RSRP1: variants seen among roughly 807,000 people sequenced by gnomAD.
The protein encoded by RSRP1 is arginine and serine rich protein 1.
In RSRP1, 37 loss-of-function variants were observed where a neutral mutation model predicts 33.0. That is an observed-to-expected ratio of 1.12 (90% CI 0.86 to 1.48). The LOEUF (loss-of-function observed/expected upper bound fraction) is 1.48. Ranked by LOEUF, RSRP1 falls within the 40% of genes most tolerant of loss-of-function variation. RSRP1 has a pLI of 0.00. For synonymous variants in RSRP1, 167 were observed against 158.7 expected (o/e 1.05, Z -0.40); for missense variants, 402 against 385.3 (o/e 1.04, Z -0.36).
Position 25,256,320 on chromosome 1 carries a change from A to T in RSRP1, c.-66-9291T>A, listed in dbSNP as rs75102157. Among the ~76,000 whole-genome samples the T allele has an allele frequency of 1.5e-3, 232 of 152,072 alleles. 1 individual carries two copies. The highest frequency in any genetic ancestry group is 5.4e-3 in the African/African-American group (225 of 41,482). On this transcript the variant is annotated intron_variant, in intron 1 of 1. Coordinates refer to the RSRP1 transcript ENST00000561867. ...CAGGCATGCGCCACTACACCTGACTAATTTTTAAAAAGAGTGTTTGGTAAA... is the reference window on the plus strand; with the variant it reads ...CAGGCATGCGCCACTACACCTGACTTATTTTTAAAAAGAGTGTTTGGTAAA...
rs41307826 is a variant in RSRP1, at chr1:25,306,704, G to C, written c.-67+31274C>G. ...CATCTACATTGTGCTGCTGGTGCTT[G>C]ATACCGTCGGAGCCGGCAATGGCAT... On this transcript the variant is annotated intron_variant, in intron 1 of 1. Transcript: ENST00000561867. The C allele has an allele frequency of 9.0e-4, 1,243 of 1,378,210 alleles. 216 individuals are homozygous for C. In the African/African-American group the frequency reaches 0.014, roughly 16 times the overall value. The allele number at this position is 1,378,210 out of a possible 1,614,324, so 85.4% of individuals were successfully genotyped here.
At chr1:25,254,013 T>C (rs985177264) in intron 1 of RSRP1, 2 of 152,244 alleles carry the variant, frequency 1.3e-5, no homozygotes. Flanking sequence ...CAGAGATTAG[T>C]TGAGATTAGA....
chr1:25,306,698 G>A lies in RSRP1; in HGVS notation c.-67+31280C>T, dbSNP rs546425801. 4 of 1,378,568 alleles carry A rather than the reference G, an allele frequency of 2.9e-6. No individual in the cohort carries two copies. The Admixed American group carries it at 5.3e-5, about 18-fold the overall frequency. 85.4% of individuals were successfully genotyped at this position (1,378,568 alleles called of 1,614,324 possible). On this transcript the variant is annotated intron_variant, in intron 1 of 1. Transcript: ENST00000561867. ...AGAGATCATCTACATTGTGCTGCTGGTGCTTGATACCGTCGGAGCCGGCAA... is the reference window on the plus strand; with the variant it reads ...AGAGATCATCTACATTGTGCTGCTGATGCTTGATACCGTCGGAGCCGGCAA...
chr1:25,257,554 GGTTTATTGT>G (rs1639985226), intron 1 of RSRP1, among the ~76,000 whole-genome samples: 1 of 151,738 alleles, frequency 6.6e-6, no homozygotes, highest in African/African-American at 2.4e-5. Context: ...TAGAGCAAAG[GGTTTATTGT>G]GGGGAATTTT....
intron 1 of RSRP1, chr1:25,284,519 C>A (rs1358438810): frequency 1.2e-4 from 158 of 1,344,846 alleles, no homozygotes; most frequent in Non-Finnish European, 1.3e-4. Flanking sequence ...TTCATACCAC[C>A]CTAAATCTCG....
Position 25,319,337 on chromosome 1 carries a change from CA to C in RSRP1, c.-67+18640del, listed in dbSNP as rs1232660195. On this transcript the variant is annotated intron_variant, in intron 1 of 1. Coordinates refer to the RSRP1 transcript ENST00000561867. ...ACATGAGCAAACTGGTGATTAAAAA[CA>C]ACTTGGGTGGCTCATACTTGTAATC... Among the ~76,000 whole-genome samples, 3 of 132,722 alleles carry C rather than the reference CA, an allele frequency of 2.3e-5. 1 individual carries two copies. The highest frequency in any genetic ancestry group is 5.4e-5 in the Non-Finnish European group (3 of 55,960). The allele number at this position is 132,722 out of a possible 152,430, so 87.1% of individuals were successfully genotyped here. A position where few individuals can be genotyped will look rare whatever the true frequency, so the allele number is the denominator to read the frequency against.
At chr1:25,247,070 G>A in intron 1 of RSRP1, 41 bp from the exon 2 acceptor site, 1 of 1,240,312 alleles carries the variant, frequency 8.1e-7, no homozygotes, top group East Asian at 2.6e-5. Context: ...AGTCGCGGAA[G>A]CCGGCGCCTG....
At position 25,320,697 on chromosome 1, in the gene RSRP1, T is replaced by A. The variant is rs144621460; in HGVS notation, c.-67+17281A>T. Among the ~76,000 whole-genome samples the A allele has an allele frequency of 1.1e-3, 140 of 132,034 alleles. 7 individuals are homozygous for A. The East Asian group carries it at 0.025, about 23-fold the overall frequency. The allele number at this position is 132,034 out of a possible 152,430, so 86.6% of individuals were successfully genotyped here. On this transcript the variant is annotated intron_variant, in intron 1 of 1. Transcript: ENST00000561867. ...ATGTGTCCTGTGAAATTCATCCAAC[T>A]TCAGGAAGCTGGAGGAATACATATG...
intron 1 of RSRP1, among the ~76,000 whole-genome samples, chr1:25,263,249 G>A (rs1373893153): frequency 6.6e-6 from 1 of 152,012 alleles, no homozygotes; most frequent in African/African-American, 2.4e-5. Context: ...TCCTGAGGAG[G>A]TGGCCTGGCC....
At chr1:25,288,712 A>T (rs1642248810) in intron 1 of RSRP1, among the ~76,000 whole-genome samples, 1 of 127,098 alleles carries the variant, frequency 7.9e-6, no homozygotes, top group African/African-American at 2.7e-5. Context: ...ATTCCAGCCC[A>T]GGCAGCCTAG....
chr1:25,274,936 A>G lies in RSRP1; in HGVS notation c.-66-27907T>C, dbSNP rs1640819894. Among the ~76,000 whole-genome samples, 2 of 130,966 alleles carry G rather than the reference A, an allele frequency of 1.5e-5. 1 individual carries two copies. Among genetic ancestry groups the G allele is most frequent in the Non-Finnish European group, 3.6e-5 (2 of 55,202 alleles). The allele number at this position is 130,966 out of a possible 152,430, so 85.9% of individuals were successfully genotyped here. A position where few individuals can be genotyped will look rare whatever the true frequency, so the allele number is the denominator to read the frequency against. On this transcript the variant is annotated intron_variant, in intron 1 of 1. Coordinates refer to the RSRP1 transcript ENST00000561867. ...ACACTCCAGCCTGGGCGCCAGAGTGAGACTTCATCTCAAAAAACCAAACAA... is the reference window on the plus strand; with the variant it reads ...ACACTCCAGCCTGGGCGCCAGAGTGGGACTTCATCTCAAAAAACCAAACAA...
At chr1:25,334,780 A>G (rs1310363169) in intron 1 of RSRP1, among the ~76,000 whole-genome samples, 3 of 133,274 alleles carry the variant, frequency 2.3e-5, no homozygotes, top group African/African-American at 7.8e-5. Flanking sequence ...CCCCGAAGCT[A>G]CAGCCCAAGC....
rs757261780 is a variant in RSRP1, at chr1:25,284,598, G to A, written c.-66-37569C>T. The A allele has an allele frequency of 2.2e-5, 30 of 1,389,026 alleles. 1 individual carries two copies. Among genetic ancestry groups the A allele is most frequent in the Middle Eastern group, 1.8e-4 (1 of 5,568 alleles). The allele number at this position is 1,389,026 out of a possible 1,614,324, so 86.0% of individuals were successfully genotyped here. Reference sequence around the variant, plus strand: ...TTGGCCAAGATCTGACCGTGATGGCGGCCATTGGCTTGGGCTTCCTCACCT... The same window carrying A: ...TTGGCCAAGATCTGACCGTGATGGCAGCCATTGGCTTGGGCTTCCTCACCT... On this transcript the variant is annotated intron_variant, in intron 1 of 1. Coordinates refer to the RSRP1 transcript ENST00000561867.
intron 1 of RSRP1, among the ~76,000 whole-genome samples, chr1:25,297,482 C>T (rs1470472778): frequency 7.5e-5 from 9 of 119,868 alleles, no homozygotes; most frequent in African/African-American, 2.6e-4. Context: ...GATCATCCAA[C>T]TTTCACCCAC....
At position 25,329,452 on chromosome 1, in the gene RSRP1, A is replaced by T. The variant is rs1644944666; in HGVS notation, c.-67+8526T>A. 3 of 233,510 alleles carry T rather than the reference A, an allele frequency of 1.3e-5. 1 individual carries two copies. The highest frequency in any genetic ancestry group is 5.7e-5 in the Admixed American group (1 of 17,596). 14.5% of individuals were successfully genotyped at this position (233,510 alleles called of 1,614,324 possible). On this transcript the variant is annotated intron_variant, in intron 1 of 1. Coordinates refer to the RSRP1 transcript ENST00000561867. ...AAGATGGGGTTTCACCATGTTGGCC[A>T]GGCTGATCTCAAACTCCTGACCTCA...
intron 1 of RSRP1, among the ~76,000 whole-genome samples, chr1:25,298,467 C>T (rs1643117772): frequency 7.9e-6 from 1 of 126,566 alleles, no homozygotes; most frequent in Admixed American, 7.8e-5. Context: ...CAGGAGGGCC[C>T]GGGGGAACCA....
intron 1 of RSRP1, among the ~76,000 whole-genome samples, chr1:25,322,614 A>G (rs1644776509): frequency 7.6e-6 from 1 of 131,088 alleles, no homozygotes; most frequent in Admixed American, 7.4e-5. Flanking sequence ...CGAAGTTTGC[A>G]GTGATCTGAG....
upstream of RSRP1, among the ~76,000 whole-genome samples, chr1:25,248,790 G>C (rs147743174): frequency 1.1e-4 from 17 of 152,290 alleles, no homozygotes; most frequent in East Asian, 2.3e-3. Context: ...AGACAGTGAA[G>C]ATACAATGCC....
At chr1:25,272,970 A>G (rs1640621620) in intron 1 of RSRP1, among the ~76,000 whole-genome samples, 1 of 131,220 alleles carries the variant, frequency 7.6e-6, no homozygotes, top group South Asian at 2.3e-4. Flanking sequence ...CCCTCTACCA[A>G]ATGGTCTTCA....
Sources: gnomAD v4.1 joint callset for allele counts (sites outside exome capture counted in the v4.1 genomes callset) on GRCh38, gnomAD v4.1.1 for gene constraint, MANE v1.5 for transcripts, NCBI Gene and HGNC (gene_info 2026-07-23, HGNC 2026-07-21) for gene names.